The following WWOX variants were observed in gnomAD, a reference collection of about 807,000 sequenced individuals.
WWOX encodes the protein WW domain-containing oxidoreductase.
Under a neutral mutation model 46.2 loss-of-function variants are expected in WWOX, and 69 were observed. The observed-to-expected ratio is 1.49, with a 90% CI of 1.23 to 1.82. WWOX has a LOEUF of 1.82. Among genes scored for constraint, WWOX ranks in the 40% most tolerant of loss-of-function variants. WWOX has a pLI of 0.00. For missense variants in WWOX, 919 were observed against 542.6 expected (o/e 1.69, Z -6.89); for synonymous variants, 359 against 202.6 (o/e 1.77, Z -6.56).
chr16:78,147,904 C>T (rs1050806061), intron 4 of WWOX, among the ~76,000 whole-genome samples: 1 of 151,594 alleles, frequency 6.6e-6, no homozygotes, highest in Non-Finnish European at 1.5e-5. Flanking sequence ...GGATCACAGC[C>T]CTTTTGGTCA....
chr16:78,838,668 C>G (rs189759387), intron 8 of WWOX, among the ~76,000 whole-genome samples: 62 of 152,192 alleles, frequency 4.1e-4, no homozygotes, highest in Admixed American at 5.2e-4. Context: ...ATAGTGAAAC[C>G]CCATCTCTAC....
chr16:78,532,809 T>C (rs1478271637), intron 8 of WWOX, among the ~76,000 whole-genome samples: 1 of 152,156 alleles, frequency 6.6e-6, no homozygotes. Context: ...GCCTCCATGA[T>C]TCAGTTACCT....
intron 8 of WWOX, chr16:78,895,826 C>T (rs990527106): frequency 2.0e-5 from 3 of 152,282 alleles, no homozygotes; most frequent in Admixed American, 1.3e-4. Context: ...TCACAGTATC[C>T]GACTATATAA....
intron 5 of WWOX, among the ~76,000 whole-genome samples, chr16:78,314,721 T>TTTTTTTTTTTTTTTC (rs2080326947): frequency 7.8e-6 from 1 of 128,362 alleles, no homozygotes; most frequent in African/African-American, 3.0e-5. Context: ...TTTTTTTTTT[T>TTTTTTTTTTTTTTTC]CTGTATTTTC....
At chr16:78,162,900 A>G (rs948165765) in intron 4 of WWOX, among the ~76,000 whole-genome samples, 2 of 152,086 alleles carry the variant, frequency 1.3e-5, no homozygotes, top group Non-Finnish European at 2.9e-5. Flanking sequence ...TATATGCTGA[A>G]TTCTTCTTTA....
chr16:78,703,170 G>A (rs142598749), intron 8 of WWOX, among the ~76,000 whole-genome samples: 340 of 152,136 alleles, frequency 2.2e-3, no homozygotes, highest in Non-Finnish European at 2.4e-3. Flanking sequence ...GAGTTTTTAT[G>A]ATGTTCCTTC....
chr16:78,917,786 T>G (rs970800667), intron 8 of WWOX, among the ~76,000 whole-genome samples: 1 of 152,114 alleles, frequency 6.6e-6, no homozygotes, highest in African/African-American at 2.4e-5. Context: ...CTGCTAGTTT[T>G]TAAAGTTTGA....
intron 8 of WWOX, among the ~76,000 whole-genome samples, chr16:78,854,066 T>G (rs938160302): frequency 2.0e-5 from 3 of 152,190 alleles, no homozygotes; most frequent in African/African-American, 4.8e-5. Context: ...TTTGCTATAT[T>G]TCTTTCTATA....
rs1451695194 is a variant in WWOX, at chr16:78,495,154, T to TTTTTTTTTG, written c.1056+62407_1056+62408insTTTGTTTTT. Among the ~76,000 whole-genome samples the TTTTTTTTTG allele has an allele frequency of 2.7e-5, 4 of 146,274 alleles. No individual in the cohort carries two copies. The South Asian group carries it at 9.0e-4, about 33-fold the overall frequency. On this transcript the variant is annotated intron_variant, in intron 8 of 8. Coordinates refer to ENST00000566780, the MANE Select transcript of WWOX (RefSeq NM_016373.4). ...AGTAGACTGTTGTGTTCTTTTTTTT[T>TTTTTTTTTG]TTTTTGAGATAGACTCTTGCCTGTC...
chr16:78,161,418 C>G (rs2034789197), intron 4 of WWOX, among the ~76,000 whole-genome samples: 1 of 150,696 alleles, frequency 6.6e-6, no homozygotes, highest in South Asian at 2.1e-4. Flanking sequence ...TCCTTTCTCT[C>G]TCTCTCTCTC....
chr16:78,915,275 G>C (rs1458234000), intron 8 of WWOX, among the ~76,000 whole-genome samples: 3 of 152,146 alleles, frequency 2.0e-5, no homozygotes, highest in Non-Finnish European at 2.9e-5. Flanking sequence ...TCATGAAACA[G>C]AGAATCTGGT....
intron 2 of WWOX, among the ~76,000 whole-genome samples, 176 bp downstream of exon 2, chr16:78,108,663 G>C (rs2032305411): frequency 6.6e-6 from 1 of 152,184 alleles, no homozygotes; most frequent in Non-Finnish European, 1.5e-5. Flanking sequence ...AGATCATAGG[G>C]TGGAGTGAGG....
At chr16:79,152,742 A>T (rs2050306213) in intron 8 of WWOX, among the ~76,000 whole-genome samples, 1 of 151,864 alleles carries the variant, frequency 6.6e-6, no homozygotes. Context: ...CAGTCAGCTT[A>T]GTGTGGGCAG....
At chr16:78,358,771 C>T (rs905458559) in intron 5 of WWOX, among the ~76,000 whole-genome samples, 3 of 151,350 alleles carry the variant, frequency 2.0e-5, no homozygotes, top group Non-Finnish European at 2.9e-5. Flanking sequence ...AAAAATTGTT[C>T]CTTGTGTCAG....
intron 8 of WWOX, among the ~76,000 whole-genome samples, chr16:78,796,936 C>T (rs2050753526): frequency 6.6e-6 from 1 of 151,892 alleles, no homozygotes; most frequent in Non-Finnish European, 1.5e-5. Flanking sequence ...ACTGATTCTC[C>T]TGCCTCAGCC....
At chr16:78,886,374 A>T (rs78944887) in intron 8 of WWOX, among the ~76,000 whole-genome samples, 1 of 151,706 alleles carries the variant, frequency 6.6e-6, no homozygotes, top group Non-Finnish European at 1.5e-5. Flanking sequence ...AATATTAATT[A>T]TATGAGAAAT....
intron 7 of WWOX, among the ~76,000 whole-genome samples, chr16:78,425,548 C>T (rs955855314): frequency 2.0e-5 from 3 of 152,160 alleles, no homozygotes; most frequent in African/African-American, 7.2e-5. Flanking sequence ...AGAAATCTGG[C>T]CGTGCCTCTT....
At chr16:78,407,360 TC>T (rs1169746640) in intron 6 of WWOX, among the ~76,000 whole-genome samples, 1 of 152,194 alleles carries the variant, frequency 6.6e-6, no homozygotes, top group Non-Finnish European at 1.5e-5. Context: ...GGAAAGTATT[TC>T]CTTTTACATA....
intron 8 of WWOX, among the ~76,000 whole-genome samples, chr16:78,705,763 T>C (rs189054140): frequency 2.8e-4 from 42 of 152,334 alleles, no homozygotes; most frequent in Admixed American, 1.0e-3. Flanking sequence ...TCAGAGCACA[T>C]ACTGCTTTTG....
Sources: gnomAD v4.1 joint callset for allele counts (sites outside exome capture counted in the v4.1 genomes callset) on GRCh38, gnomAD v4.1.1 for gene constraint, MANE v1.5 for transcripts, NCBI Gene and HGNC (gene_info 2026-07-23, HGNC 2026-07-21) for gene names.